The following GPATCH8 variants were observed in gnomAD, a reference collection of about 807,000 sequenced individuals.
GPATCH8 encodes the protein G-patch domain containing 8.
A neutral mutation model predicts 118.3 loss-of-function variants in GPATCH8; 18 were observed. That is an observed-to-expected ratio of 0.15 (90% CI 0.11 to 0.23). The LOEUF is 0.23. Among genes scored for constraint, GPATCH8 ranks in the 10% least tolerant of loss-of-function variants. GPATCH8 has a pLI of 1.00. For synonymous variants in GPATCH8, 659 were observed against 684.7 expected (o/e 0.96, Z 0.59); for missense variants, 1,631 against 1,873.8 (o/e 0.87, Z 2.39).
rs373473692 is a variant in GPATCH8 at position 44,494,185 on chromosome 17, C to T, written c.45+9141G>A. On this transcript the variant is annotated intron_variant, in intron 1 of 7. Coordinates refer to ENST00000591680, the MANE Select transcript of GPATCH8 (RefSeq NM_001002909.4). ...TCCCACTCTAACAAGTCTTAAACCC[C>T]ATCAGAATCTACAATCCATTGATCC... Among the ~76,000 whole-genome samples the T allele has an allele frequency of 5.9e-5, 9 of 152,248 alleles. No homozygotes were observed. In the South Asian group the frequency reaches 1.2e-3, roughly 21 times the overall value.
intron 1 of GPATCH8, among the ~76,000 whole-genome samples, chr17:44,496,169 C>G (rs1021974414): frequency 2.6e-5 from 4 of 152,162 alleles, no homozygotes; most frequent in Non-Finnish European, 2.9e-5. Context: ...CGCGCCCAGC[C>G]TACCTTTACT....
intron 1 of GPATCH8, among the ~76,000 whole-genome samples, chr17:44,489,658 A>G (rs1969083381): frequency 6.6e-6 from 1 of 152,112 alleles, no homozygotes; most frequent in African/African-American, 2.4e-5. Flanking sequence ...TCCCTTTTGA[A>G]TGTTATACTA....
chr17:44,411,833 C>T (rs2049444388), intron 6 of GPATCH8, among the ~76,000 whole-genome samples: 1 of 152,166 alleles, frequency 6.6e-6, no homozygotes, highest in African/African-American at 2.4e-5. Flanking sequence ...TGGCTCACAC[C>T]TGTACTCTCA....
chr17:44,492,245 G>C (rs1003761271), intron 1 of GPATCH8, among the ~76,000 whole-genome samples: 3 of 141,646 alleles, frequency 2.1e-5, no homozygotes, highest in Non-Finnish European at 4.6e-5. Context: ...AGCTTGCAGT[G>C]AGCTGAGATG....
At chr17:44,470,116 T>C (rs1376509596) in intron 2 of GPATCH8, among the ~76,000 whole-genome samples, 1 of 152,252 alleles carries the variant, frequency 6.6e-6, no homozygotes, top group African/African-American at 2.4e-5. Flanking sequence ...TGATGGGTAG[T>C]TGCACTTCCA....
intron 6 of GPATCH8, chr17:44,407,351 C>T (rs1236566370): frequency 6.6e-6 from 1 of 151,828 alleles, no homozygotes; most frequent in African/African-American, 2.4e-5. Context: ...AGCATTACTA[C>T]ACGAGCTCTC....
chr17:44,459,794 T>C (rs1278488694), intron 3 of GPATCH8, among the ~76,000 whole-genome samples: 2 of 152,200 alleles, frequency 1.3e-5, no homozygotes, highest in African/African-American at 4.8e-5. Flanking sequence ...CCATGTCTTA[T>C]CTACTCTCCA....
chr17:44,429,875 C>A (rs2050240340), intron 5 of GPATCH8, among the ~76,000 whole-genome samples: 1 of 143,924 alleles, frequency 6.9e-6, no homozygotes, highest in African/African-American at 2.6e-5. Context: ...AAAAAAAAAA[C>A]AAAATTAGCT....
chr17:44,414,906 G>GT (rs2049618721), intron 6 of GPATCH8, among the ~76,000 whole-genome samples: 1 of 152,170 alleles, frequency 6.6e-6, no homozygotes, highest in African/African-American at 2.4e-5. Flanking sequence ...GTATATACCA[G>GT]TAAGTCCTTC....
At chr17:44,406,554 A>T (rs116349999) in intron 6 of GPATCH8, among the ~76,000 whole-genome samples, 2,801 of 146,920 alleles carry the variant, frequency 0.019, 100 homozygotes, top group African/African-American at 0.067. Context: ...ATTTCACCAT[A>T]AAAAGGTGGT....
chr17:44,419,052 T>G (rs1011509576), intron 6 of GPATCH8, among the ~76,000 whole-genome samples: 2 of 152,154 alleles, frequency 1.3e-5, no homozygotes, highest in African/African-American at 4.8e-5. Context: ...CACCCCCGCA[T>G]CCTGTCAGGA....
At chr17:44,421,486 C>A (rs889695501) in intron 6 of GPATCH8, among the ~76,000 whole-genome samples, 1 of 151,732 alleles carries the variant, frequency 6.6e-6, no homozygotes. Flanking sequence ...TTGCCTCAGC[C>A]TCCTGAGAAG....
chr17:44,468,181 C>T (rs1425202083), intron 2 of GPATCH8, among the ~76,000 whole-genome samples: 3 of 151,640 alleles, frequency 2.0e-5, no homozygotes, highest in Non-Finnish European at 2.9e-5. Flanking sequence ...CCACGTTGGC[C>T]AGGCTGGTCT....
intron 1 of GPATCH8, among the ~76,000 whole-genome samples, chr17:44,484,767 T>A (rs138496662): frequency 3.3e-4 from 50 of 152,332 alleles, no homozygotes; most frequent in African/African-American, 1.1e-3. Flanking sequence ...AATTGTCATG[T>A]TAAATTTCGC....
intron 1 of GPATCH8, among the ~76,000 whole-genome samples, chr17:44,489,416 C>T (rs191192269): frequency 1.3e-5 from 2 of 151,642 alleles, no homozygotes; most frequent in East Asian, 3.9e-4. Context: ...TCTTGGCTCA[C>T]TGCAACCTAC....
rs772925170 is a variant in GPATCH8 at position 44,503,349 on chromosome 17, A to C, written c.22T>G (p.Phe8Val). 1 of 1,610,748 alleles carries C rather than the reference A, an allele frequency of 6.2e-7. No homozygotes were observed. The highest frequency in any genetic ancestry group is 8.5e-7 in the Non-Finnish European group (1 of 1,178,754). ...ACCTGAAAGTCTCGGTCTTCGTTGA[A>C]GCGGGAGAAGCGGTCCGCCATTTTG... MADRFSR[F>V]NEDRDFQGNH... The change falls in exon 1 of 8, where the codon TTC (phenylalanine) becomes GTC (valine). Residue 8 changes from phenylalanine to valine, a missense_variant. Physicochemically the swap from Phe to Val is conservative, Grantham distance 50. Transcript: ENST00000591680.
At chr17:44,467,162 T>A in intron 2 of GPATCH8, 1 of 865,252 alleles carries the variant, frequency 1.2e-6, no homozygotes, top group East Asian at 6.3e-5. Flanking sequence ...AACTGTCCAA[T>A]CACTAATGGT....
chr17:44,400,618 C>T lies in GPATCH8; in HGVS notation c.1459G>A (p.Gly487Arg). 1 of 1,614,062 alleles carries T rather than the reference C, an allele frequency of 6.2e-7. No individual in the cohort carries two copies. The highest frequency in any genetic ancestry group is 8.5e-7 in the Non-Finnish European group (1 of 1,179,924). ...GSKAEAKKAL[G>R]GDVSDQSLES... ...AAACTCTGATCACTTACATCCCCTC[C>T]TAAGGCCTTCTTTGCCTCAGCTTTG... Residue 487 changes from glycine to arginine, a missense_variant, in exon 8 of 8, where the codon GGA (glycine) becomes AGA (arginine). By Grantham distance (125) the Gly-to-Arg change is moderately radical (BLOSUM62 -2). This residue lies in a region of GPATCH8 where 405 missense variants were observed against 462.7 expected (regional missense o/e 0.88). Coordinates refer to ENST00000591680, the MANE Select transcript of GPATCH8 (RefSeq NM_001002909.4).
Position 44,480,675 on chromosome 17 carries a change from G to A in GPATCH8, c.46-5772C>T, listed in dbSNP as rs145917821. Among the ~76,000 whole-genome samples, 507 of 147,790 alleles carry A rather than the reference G, an allele frequency of 3.4e-3. 3 individuals carry two copies. Among genetic ancestry groups the A allele is most frequent in the African/African-American group, 0.011 (429 of 40,350 alleles). On this transcript the variant is annotated intron_variant, in intron 1 of 7. Transcript: ENST00000591680. Reference sequence around the variant, plus strand: ...GAGGAGGTTGCAGTGAGCTGAGATCGCGCCATTGCACTCCAGCCTGGGCAA... The same window carrying A: ...GAGGAGGTTGCAGTGAGCTGAGATCACGCCATTGCACTCCAGCCTGGGCAA...
Sources: gnomAD v4.1 joint callset for allele counts (sites outside exome capture counted in the v4.1 genomes callset) on GRCh38, gnomAD v4.1.1 for gene constraint, gnomAD v4.1.1 regional missense constraint, MANE v1.5 for transcripts, NCBI Gene and HGNC (gene_info 2026-07-23, HGNC 2026-07-21) for gene names.